CDH2: variants seen among roughly 807,000 people sequenced by gnomAD.
CDH2 encodes the protein cadherin 2.
In CDH2, 17 loss-of-function variants were observed where a neutral mutation model predicts 92.0. That is an observed-to-expected ratio of 0.18 (90% CI 0.13 to 0.28). The LOEUF is 0.28. Among genes scored for constraint, CDH2 ranks in the 10% least tolerant of loss-of-function variants. The pLI, the probability that CDH2 is intolerant of heterozygous loss-of-function variation, is 1.00. For synonymous variants in CDH2, 419 were observed against 415.9 expected (o/e 1.01, Z -0.09); for missense variants, 862 against 1,133.1 (o/e 0.76, Z 3.44).
Position 28,177,016 on chromosome 18 carries a change from G to C in CDH2, c.7C>G (p.Arg3Gly), listed in dbSNP as rs761151029. Residue 3 changes from arginine (R) to glycine (G), a missense_variant, in exon 1 of 16, where the codon CGG (arginine) becomes GGG (glycine). By Grantham distance (125) the Arg-to-Gly change is moderately radical (BLOSUM62 -2). Transcript: ENST00000269141. The stretch of plus-strand genomic sequence containing the variant: ...AGGGTCCGCAGCGCTCCCGCTATCC[G>C]GCACATGGAGGCGGAGAGGGGCCGA... MCRIAGALRTLLP... is the reference protein window; with the variant it reads MCGIAGALRTLLP... The C allele has an allele frequency of 2.0e-6, 3 of 1,485,068 alleles. No homozygotes were observed. The highest frequency in any genetic ancestry group is 2.7e-6 in the Non-Finnish European group (3 of 1,121,026). 92.0% of individuals were successfully genotyped at this position (1,485,068 alleles called of 1,614,324 possible).
At chr18:27,940,614 T>C (rs529910863) in intron 6 of CDH2, among the ~76,000 whole-genome samples, 75 of 152,222 alleles carry the variant, frequency 4.9e-4, no homozygotes, top group Non-Finnish European at 8.8e-4. Flanking sequence ...TTCAGTCTCC[T>C]TGGCTCCCAT....
At chr18:28,020,071 T>C (rs890674132) in intron 2 of CDH2, among the ~76,000 whole-genome samples, 1 of 152,138 alleles carries the variant, frequency 6.6e-6, no homozygotes, top group African/African-American at 2.4e-5. Flanking sequence ...GGATAACATG[T>C]GAATTCCATT....
intron 1 of CDH2, among the ~76,000 whole-genome samples, chr18:28,167,183 T>C (rs1222256706): frequency 2.0e-5 from 3 of 152,102 alleles, no homozygotes; most frequent in Admixed American, 6.5e-5. Context: ...TTTAGTTCTT[T>C]GTCTCCACTC....
intron 2 of CDH2, among the ~76,000 whole-genome samples, chr18:28,062,519 C>A (rs1296438691): frequency 6.6e-6 from 1 of 152,096 alleles, no homozygotes; most frequent in Non-Finnish European, 1.5e-5. Context: ...TTTATAACAG[C>A]CCTTATTCTG....
intron 14 of CDH2, among the ~76,000 whole-genome samples, chr18:27,980,147 A>G (rs1252821965): frequency 6.6e-6 from 1 of 152,210 alleles, no homozygotes; most frequent in Admixed American, 6.5e-5. Flanking sequence ...TAAAAACCGT[A>G]AGGATAAATC....
chr18:28,030,804 A>T (rs1237485904), intron 2 of CDH2, among the ~76,000 whole-genome samples: 1 of 151,974 alleles, frequency 6.6e-6, no homozygotes, highest in Admixed American at 6.6e-5. Flanking sequence ...TATTACACAT[A>T]AAAAAATCTA....
In CDH2 at chr18:28,003,152, C is replaced by G. The variant is rs142589795; in HGVS notation, c.865G>C (p.Val289Leu). ...GSKPGTYVMT[V>L]TAIDADDPNA... The stretch of plus-strand genomic sequence containing the variant: ...GGATCGTCAGCATCAATTGCTGTTA[C>G]GGTCATCACATATGTTCCTAGAGAC... Residue 289 changes from valine to leucine, a missense_variant, in exon 7 of 16, where the codon GTA (valine) becomes CTA (leucine). Coordinates refer to ENST00000269141, the MANE Select transcript of CDH2 (RefSeq NM_001792.5). The G allele has an allele frequency of 2.0e-5, 32 of 1,613,504 alleles. No homozygotes were observed. The highest frequency in any genetic ancestry group is 2.7e-5 in the Non-Finnish European group (32 of 1,179,664).
chr18:28,163,342 T>C (rs1199232011), intron 1 of CDH2, among the ~76,000 whole-genome samples: 2 of 152,226 alleles, frequency 1.3e-5, no homozygotes, highest in African/African-American at 2.4e-5. Flanking sequence ...CCTTGCAATC[T>C]AGCAATTCTA....
At chr18:28,074,809 AT>A (rs956350058) in intron 2 of CDH2, among the ~76,000 whole-genome samples, 2 of 152,030 alleles carry the variant, frequency 1.3e-5, no homozygotes, top group African/African-American at 4.8e-5. Flanking sequence ...TTAAAAAAAA[AT>A]CTTGTCAAAT....
chr18:28,055,306 G>A (rs1406070592), intron 2 of CDH2, among the ~76,000 whole-genome samples: 1 of 152,064 alleles, frequency 6.6e-6, no homozygotes, highest in Non-Finnish European at 1.5e-5. Flanking sequence ...ACAACATGCG[G>A]GAATTATGGG....
intron 14 of CDH2, 33 bp downstream of exon 14, chr18:27,982,911 A>G (rs1181650269): frequency 1.4e-6 from 2 of 1,467,132 alleles, no homozygotes; most frequent in East Asian, 2.3e-5. Context: ...ACGATCATAA[A>G]ATTTATTTTT....
At chr18:27,961,030 C>A (rs200318819) in intron 15 of CDH2, among the ~76,000 whole-genome samples, 6 of 148,266 alleles carry the variant, frequency 4.0e-5, no homozygotes, top group African/African-American at 5.0e-5. Context: ...AAAAAAAGAA[C>A]AAAAAAAAAA....
chr18:28,036,748 T>A (rs1320648279), intron 2 of CDH2, among the ~76,000 whole-genome samples: 1 of 152,156 alleles, frequency 6.6e-6, no homozygotes, highest in Non-Finnish European at 1.5e-5. Context: ...GATTCACTGA[T>A]CCCTTTCAAA....
intron 2 of CDH2, among the ~76,000 whole-genome samples, chr18:28,051,350 G>A (rs1466021835): frequency 6.6e-6 from 1 of 152,112 alleles, no homozygotes; most frequent in East Asian, 1.9e-4. Flanking sequence ...AAGTAACAAT[G>A]ACCTTGGGAA....
At chr18:28,170,873 G>A (rs906791380) in intron 1 of CDH2, among the ~76,000 whole-genome samples, 1 of 150,680 alleles carries the variant, frequency 6.6e-6, no homozygotes, top group Admixed American at 6.6e-5. Context: ...AAATATCTTC[G>A]TATATGTATC....
At chr18:27,963,030 G>A (rs2011447821) in intron 15 of CDH2, among the ~76,000 whole-genome samples, 1 of 152,006 alleles carries the variant, frequency 6.6e-6, no homozygotes, top group Non-Finnish European at 1.5e-5. Context: ...AAATTAGAAT[G>A]CACTATAATA....
chr18:28,125,755 T>C (rs945290374), intron 2 of CDH2, among the ~76,000 whole-genome samples: 5 of 152,134 alleles, frequency 3.3e-5, no homozygotes, highest in African/African-American at 1.2e-4. Context: ...CAGTCAGCAT[T>C]AGTACCCTCA....
intron 14 of CDH2, among the ~76,000 whole-genome samples, chr18:27,982,561 T>C (rs1599008284): frequency 6.6e-6 from 1 of 152,230 alleles, no homozygotes; most frequent in Admixed American, 6.5e-5. Context: ...TGGTAAATAC[T>C]TGGGGAATAA....
At chr18:27,952,598 C>CA (rs45554241) in intron 15 of CDH2, among the ~76,000 whole-genome samples, 1,634 of 152,130 alleles carry the variant, frequency 0.011, 11 homozygotes, top group Middle Eastern at 0.024. Context: ...TCAGGGAGGC[C>CA]AAGGCTTATG....
Sources: gnomAD v4.1 joint callset for allele counts (sites outside exome capture counted in the v4.1 genomes callset) on GRCh38, gnomAD v4.1.1 for gene constraint, MANE v1.5 for transcripts, NCBI Gene and HGNC (gene_info 2026-07-23, HGNC 2026-07-21) for gene names.